Variants in AGBL1 observed in about 807,000 individuals in gnomAD.
The protein encoded by AGBL1 is cytosolic carboxypeptidase 4.
AGBL1 carries 130 observed loss-of-function variants against 118.9 expected under a neutral mutation model. The observed-to-expected ratio is 1.09, with a 90% CI of 0.95 to 1.26. AGBL1 has a LOEUF of 1.26. Among genes scored for constraint, AGBL1 ranks in the 50% most tolerant of loss-of-function variants. AGBL1 has a pLI of 0.00. For missense variants in AGBL1, 1,584 were observed against 1,298.1 expected (o/e 1.22, Z -3.38); for synonymous variants, 555 against 478.9 (o/e 1.16, Z -2.08).
chr15:86,551,362 A>G (rs892086032), intron 20 of AGBL1, among the ~76,000 whole-genome samples: 2 of 152,142 alleles, frequency 1.3e-5, no homozygotes, highest in African/African-American at 4.8e-5. Context: ...AAAGAAAAGA[A>G]AGAAGATACA....
chr15:86,368,565 C>T (rs1161605353), intron 17 of AGBL1, among the ~76,000 whole-genome samples: 3 of 151,808 alleles, frequency 2.0e-5, no homozygotes, highest in Non-Finnish European at 4.4e-5. Flanking sequence ...ATAGTTTATT[C>T]AAAAAAGTAA....
chr15:86,762,335 C>G (rs2078038273), intron 22 of AGBL1, among the ~76,000 whole-genome samples: 1 of 151,942 alleles, frequency 6.6e-6, no homozygotes, highest in Non-Finnish European at 1.5e-5. Flanking sequence ...ACCTATGTAA[C>G]AAACCTCCAC....
chr15:86,578,425 C>A (rs969540199), intron 21 of AGBL1, among the ~76,000 whole-genome samples: 1 of 152,146 alleles, frequency 6.6e-6, no homozygotes, highest in African/African-American at 2.4e-5. Context: ...CCAGAAGGGA[C>A]TTGCCTTGTC....
chr15:86,890,821 A>G (rs1014147614), intron 22 of AGBL1, among the ~76,000 whole-genome samples: 12 of 152,096 alleles, frequency 7.9e-5, no homozygotes, highest in African/African-American at 2.7e-4. Context: ...GTCAGGTAGC[A>G]TAATGCCTCC....
At chr15:86,527,650 T>C (rs1187309170) in intron 19 of AGBL1, among the ~76,000 whole-genome samples, 1 of 152,204 alleles carries the variant, frequency 6.6e-6, no homozygotes, top group Admixed American at 6.5e-5. Flanking sequence ...ATTCTGGCTC[T>C]TATGAAAATG....
chr15:86,470,552 T>C (rs1317869937), intron 18 of AGBL1, among the ~76,000 whole-genome samples: 8 of 152,198 alleles, frequency 5.3e-5, no homozygotes, highest in Admixed American at 5.2e-4. Context: ...TATTTTATGA[T>C]TGCTTTTTCT....
chr15:87,013,811 A>G (rs1305026694), intron 24 of AGBL1, among the ~76,000 whole-genome samples: 2 of 20,650 alleles, frequency 9.7e-5, no homozygotes. Flanking sequence ...AACAAAATGG[A>G]GTTAGTTATG....
chr15:86,261,627 C>G (rs1394212197), intron 9 of AGBL1, among the ~76,000 whole-genome samples: 2 of 149,686 alleles, frequency 1.3e-5, no homozygotes, highest in African/African-American at 4.9e-5. Context: ...TTTTTTTTCT[C>G]TATTTCATTA....
chr15:86,108,730 G>A lies in AGBL1; in HGVS notation c.51+28707G>A, dbSNP rs146263492. ...TCCCAGCACTTTGGGAGGCCGAGAC[G>A]GGCGGATCACGAGGTCAAGAGATCG... On this transcript the variant is annotated intron_variant, in intron 1 of 22. Transcript: ENST00000614907. 9.5e-3 allele frequency among the ~76,000 whole-genome samples: 1,454 copies of A among 152,282 alleles called. 7 individuals carry two copies. Among genetic ancestry groups the A allele is most frequent in the East Asian group, 0.023 (118 of 5,182 alleles).
intron 19 of AGBL1, among the ~76,000 whole-genome samples, chr15:86,540,899 A>G (rs1431862079): frequency 6.6e-6 from 1 of 152,206 alleles, no homozygotes; most frequent in African/African-American, 2.4e-5. Flanking sequence ...TTATTCCTGC[A>G]GGTGAATGGC....
In AGBL1 at chr15:86,576,600, T is replaced by A. The variant is rs572340244; in HGVS notation, c.2994+22063T>A. ...CAGTTCACTATATACAAAGAGGTCTTTAGGCTGCACTTGAAATACCTAAGG... is the reference window on the plus strand; with the variant it reads ...CAGTTCACTATATACAAAGAGGTCTATAGGCTGCACTTGAAATACCTAAGG... On this transcript the variant is annotated intron_variant, in intron 21 of 22. Coordinates refer to ENST00000614907, the MANE Select transcript of AGBL1 (RefSeq NM_001386094.1). Among the ~76,000 whole-genome samples, 127 of 152,332 alleles carry A rather than the reference T, an allele frequency of 8.3e-4. 1 individual carries two copies. The highest frequency in any genetic ancestry group is 8.2e-3 in the Admixed American group (126 of 15,304).
At chr15:86,181,254 A>T (rs2077548628) in intron 5 of AGBL1, among the ~76,000 whole-genome samples, 1 of 152,124 alleles carries the variant, frequency 6.6e-6, no homozygotes, top group Non-Finnish European at 1.5e-5. Context: ...TAATAGCCGA[A>T]AGCTGGAAAC....
chr15:86,467,209 G>T (rs2082418704), intron 18 of AGBL1, among the ~76,000 whole-genome samples: 1 of 152,180 alleles, frequency 6.6e-6, no homozygotes, highest in East Asian at 1.9e-4. Context: ...TGGCTACAGA[G>T]GCTTTGGAGA....
chr15:86,827,525 T>G (rs1457682214), intron 22 of AGBL1, among the ~76,000 whole-genome samples: 1 of 87,100 alleles, frequency 1.1e-5, no homozygotes, highest in Non-Finnish European at 2.5e-5. Context: ...ATATATAGCC[T>G]GTGGTTATTT....
intron 24 of AGBL1, among the ~76,000 whole-genome samples, chr15:86,991,701 C>T (rs1024410347): frequency 6.6e-6 from 1 of 152,112 alleles, no homozygotes; most frequent in African/African-American, 2.4e-5. Flanking sequence ...AGATGCCTGC[C>T]TGTGAGTACT....
chr15:86,861,989 T>C (rs2079564989), intron 22 of AGBL1, among the ~76,000 whole-genome samples: 1 of 152,194 alleles, frequency 6.6e-6, no homozygotes, highest in African/African-American at 2.4e-5. Context: ...ACATGGAACT[T>C]CAGATTTAGA....
rs138823776 is a variant in AGBL1 at position 86,622,689 on chromosome 15, C to T, written c.2995-51584C>T. 9.3e-3 allele frequency among the ~76,000 whole-genome samples: 1,416 copies of T among 152,242 alleles called. 86 individuals carry two copies. The highest frequency in any genetic ancestry group is 0.086 in the Admixed American group (1,320 of 15,282). On this transcript the variant is annotated intron_variant, in intron 21 of 22. Transcript: ENST00000614907. ...CACGTTCTAGACCAGCAATCCTCAA[C>T]CATTTTGGCACCAGGGACTGGTTTC...
intron 18 of AGBL1, among the ~76,000 whole-genome samples, chr15:86,437,723 T>G (rs561152292): frequency 1.1e-4 from 16 of 152,256 alleles, no homozygotes; most frequent in African/African-American, 3.8e-4. Context: ...AATCCTACCC[T>G]TATGAGCTCC....
At chr15:86,389,109 G>T (rs1422781596) in intron 17 of AGBL1, among the ~76,000 whole-genome samples, 1 of 152,032 alleles carries the variant, frequency 6.6e-6, no homozygotes, top group Non-Finnish European at 1.5e-5. Context: ...ATTTGCAGGG[G>T]TTAGGATTAT....
Sources: gnomAD v4.1 joint callset for allele counts (sites outside exome capture counted in the v4.1 genomes callset) on GRCh38, gnomAD v4.1.1 for gene constraint, MANE v1.5 for transcripts, NCBI Gene and HGNC (gene_info 2026-07-23, HGNC 2026-07-21) for gene names.